Variants in MYH3 observed in about 807,000 individuals in gnomAD.
The protein encoded by MYH3 is myosin heavy chain 3, also known as myosin-3.
In MYH3, 130 loss-of-function variants were observed where a neutral mutation model predicts 238.0. The observed-to-expected ratio is 0.55, with a 90% confidence interval of 0.47 to 0.63. The LOEUF is 0.63. Among genes scored for constraint, MYH3 ranks in the 30% least tolerant of loss-of-function variants. MYH3 has a pLI of 0.00. For missense variants in MYH3, 1,853 were observed against 2,374.9 expected, an observed-to-expected ratio of 0.78 and a Z score of 4.57; for synonymous variants, 880 against 924.1, an observed-to-expected ratio of 0.95 and a Z score of 0.86.
rs1350449241 is a variant in MYH3 at position 10,642,001 on chromosome 17, G to A, written c.1959+239C>T. Among the ~76,000 whole-genome samples, 2 of 152,200 alleles carry A rather than the reference G, an allele frequency of 1.3e-5. No individual in the cohort carries two copies. Among genetic ancestry groups the A allele is most frequent in the African/African-American group, 2.4e-5 (1 of 41,444 alleles). The stretch of plus-strand genomic sequence containing the variant: ...CCTTTAGGAAAATTGGAGAGTTTAT[G>A]CTGGAAACTCGGACAAGCCAACTCA... On this transcript the variant is annotated intron_variant, in intron 17 of 40. Transcript: ENST00000583535. The surrounding 1 kb of genome is among the most constrained non-coding windows in gnomAD (Gnocchi z 5.4).
At chr17:10,641,453 C>A in intron 17 of MYH3, 81 bp from the exon 18 acceptor site, 5 of 988,028 alleles carry the variant, frequency 5.1e-6, no homozygotes, top group South Asian at 1.3e-5. Context: ...GAAATAAGAT[C>A]TATGTTTAAA....
At chr17:10,634,307 T>C in intron 31 of MYH3, 125 bp from the exon 32 acceptor site, 5 of 1,056,184 alleles carry the variant, frequency 4.7e-6, no homozygotes, top group Non-Finnish European at 7.2e-6. Context: ...TGGCTCCTTG[T>C]TGTCGATTAT....
chr17:10,630,972 G>C (rs2074150622), intron 36 of MYH3, among the ~76,000 whole-genome samples: 1 of 152,196 alleles, frequency 6.6e-6, no homozygotes, highest in Non-Finnish European at 1.5e-5. Flanking sequence ...CCTAATCAAT[G>C]AGGCAATGAG....
upstream of MYH3, among the ~76,000 whole-genome samples, chr17:10,659,343 G>A (rs1038808323): frequency 1.3e-5 from 2 of 152,174 alleles, no homozygotes; most frequent in Non-Finnish European, 2.9e-5. Flanking sequence ...CACTGTCCTT[G>A]TTTCCTTCCT....
intron 8 of MYH3, among the ~76,000 whole-genome samples, chr17:10,648,179 C>T (rs969901650): frequency 2.0e-5 from 3 of 152,128 alleles, no homozygotes; most frequent in Non-Finnish European, 2.9e-5. Flanking sequence ...TACAACCACA[C>T]AGACCCTCTG....
chr17:10,634,231 T>C, intron 31 of MYH3, 49 bp from the exon 32 acceptor site: 2 of 1,606,410 alleles, frequency 1.2e-6, no homozygotes, highest in Non-Finnish European at 1.7e-6. Context: ...CTCCTCTAGG[T>C]TTCTAACAAA....
chr17:10,661,297 A>T (rs1027392198), upstream of MYH3, among the ~76,000 whole-genome samples: 1 of 149,560 alleles, frequency 6.7e-6, no homozygotes, highest in Non-Finnish European at 1.5e-5. Flanking sequence ...TCTAAAAAAA[A>T]AAAAAAAAAA....
chr17:10,662,002 C>T (rs2074483618), upstream of MYH3, among the ~76,000 whole-genome samples: 2 of 151,786 alleles, frequency 1.3e-5, no homozygotes, highest in South Asian at 4.2e-4. Context: ...TATGCACCTT[C>T]CCCAGCTTTC....
chr17:10,633,686 C>T lies in MYH3; in HGVS notation c.4552G>A (p.Ala1518Thr). ...QEIADLTEQI[A>T]ENGKTIHELE... is the part of the protein sequence containing the mutation. The stretch of plus-strand genomic sequence containing the variant: ...TCATGGATGGTTTTGCCATTTTCAG[C>T]AATTTGTTCTGTGAGATCTGCTATC... Residue 1518 changes from alanine to threonine, a missense_variant, in exon 33 of 41, where the codon GCT (alanine) becomes ACT (threonine). Ala to Thr is a moderately conservative substitution (Grantham distance 58). Around this residue, in one of 3 missense-constraint regions of MYH3, gnomAD observed 1,044 missense variants for 1,192.6 expected, o/e 0.88. Coordinates refer to ENST00000583535, the MANE Select transcript of MYH3 (RefSeq NM_002470.4). The T allele has an allele frequency of 6.2e-7, 1 of 1,614,046 alleles. No individual in the cohort carries two copies. The highest frequency in any genetic ancestry group is 1.1e-5 in the South Asian group (1 of 91,084).
At chr17:10,644,973 T>C (rs903350659) in intron 12 of MYH3, among the ~76,000 whole-genome samples, 3 of 151,964 alleles carry the variant, frequency 2.0e-5, no homozygotes, top group East Asian at 1.9e-4. Flanking sequence ...GTGGTAACAA[T>C]AGCTATGGGC....
chr17:10,635,624 C>T, intron 29 of MYH3, 61 bp from the exon 30 acceptor site: 1 of 1,614,000 alleles, frequency 6.2e-7, no homozygotes, highest in South Asian at 1.1e-5. Context: ...ATGATACAAT[C>T]CAAGTGTGTC....
chr17:10,661,727 A>G (rs1249290806), upstream of MYH3, among the ~76,000 whole-genome samples: 4 of 152,180 alleles, frequency 2.6e-5, no homozygotes, highest in Admixed American at 1.3e-4. Context: ...CCAGCCTCGC[A>G]GCATCATGCC....
chr17:10,664,511 A>G, the MYH3 span, among the ~76,000 whole-genome samples: 1 of 152,172 alleles, frequency 6.6e-6, no homozygotes, highest in East Asian at 1.9e-4. Flanking sequence ...AAGTTTGCAA[A>G]GTTAATCAGA....
the MYH3 span, chr17:10,674,550 T>C: frequency 1.1e-5 from 2 of 176,566 alleles, no homozygotes; most frequent in Admixed American, 6.0e-5. Context: ...CAGACTACAC[T>C]GAGTAGCAAG....
At chr17:10,660,708 T>C (rs1215941181), upstream of MYH3, among the ~76,000 whole-genome samples, 1 of 132,092 alleles carries the variant, frequency 7.6e-6, no homozygotes, top group Non-Finnish European at 1.6e-5. Context: ...CAGCCGGGCA[T>C]GGTGGCTCAT....
the MYH3 span, among the ~76,000 whole-genome samples, chr17:10,667,445 G>C: frequency 6.6e-6 from 1 of 152,160 alleles, no homozygotes; most frequent in African/African-American, 2.4e-5. Context: ...ACTTTGGGAG[G>C]CCAAGGCAGA....
Position 10,642,822 on chromosome 17 carries a change from A to C in MYH3, c.1581+4T>G. The C allele has an allele frequency of 6.2e-7, 1 of 1,614,102 alleles. No individual in the cohort carries two copies. Among genetic ancestry groups the C allele is most frequent in the Non-Finnish European group, 8.5e-7 (1 of 1,180,010 alleles). ...GAGCTTACGGTGGGGATGGAACTGG[A>C]TACCTTCTCGATGAGCTCGATGCAG... On this transcript the variant is annotated splice_donor_region_variant and intron_variant, in intron 15 of 40. Coordinates refer to ENST00000583535, the MANE Select transcript of MYH3 (RefSeq NM_002470.4). The surrounding 1 kb of genome is among the most constrained non-coding windows in gnomAD (Gnocchi z 5.4).
the MYH3 span, chr17:10,672,929 A>ATTTTT: frequency 6.6e-6 from 1 of 152,192 alleles, no homozygotes; most frequent in Non-Finnish European, 1.5e-5. Flanking sequence ...AACACTCAAA[A>ATTTTT]GAGAGTTGAA....
In MYH3 at chr17:10,645,753, G is replaced by C; in HGVS notation, c.1095C>G (p.Phe365Leu). 1 of 1,613,698 alleles carries C rather than the reference G, an allele frequency of 6.2e-7. No individual in the cohort carries two copies. The highest frequency in any genetic ancestry group is 8.5e-7 in the Non-Finnish European group (1 of 1,180,016). The change falls in exon 12 of 41, where the codon TTC becomes TTG. Residue 365 changes from phenylalanine (F) to leucine (L), a missense_variant. Physicochemically the swap from Phe to Leu is conservative, Grantham distance 22. Coordinates refer to ENST00000583535, the MANE Select transcript of MYH3 (RefSeq NM_002470.4). ...GAVMHYGNMK[F>L]KQKQREEQAE... ...CCTGCTCCTCTCGCTGCTTCTGCTT[G>C]AACTTCATGTTCCCGTAGTGCATCA...
Sources: allele counts gnomAD v4.1 joint callset (sites outside exome capture counted in the v4.1 genomes callset), GRCh38; gene constraint gnomAD v4.1.1; regional missense constraint gnomAD v4.1.1; non-coding constraint Gnocchi (gnomAD v3.1); transcripts MANE v1.5; gene names NCBI Gene and HGNC (gene_info 2026-07-23, HGNC 2026-07-21).